Variants in HMCN1 observed in about 807,000 individuals in gnomAD.
HMCN1 encodes the protein hemicentin-1.
A neutral mutation model predicts 625.9 loss-of-function variants in HMCN1; 321 were observed. That is an observed-to-expected ratio of 0.51 (90% CI 0.47 to 0.56). The LOEUF is 0.56. Among genes scored for constraint, HMCN1 ranks in the 20% least tolerant of loss-of-function variants. The probability of loss-of-function intolerance (pLI) is 0.00; values close to 1 mark genes in which losing one functional copy is unlikely to be tolerated. For missense variants in HMCN1, 6,588 were observed against 6,887.3 expected (o/e 0.96, Z 1.54); for synonymous variants, 2,425 against 2,417.6 (o/e 1.00, Z -0.09).
At chr1:185,869,810 T>G (rs1332596784) in intron 4 of HMCN1, among the ~76,000 whole-genome samples, 1 of 152,164 alleles carries the variant, frequency 6.6e-6, no homozygotes, top group African/African-American at 2.4e-5. Flanking sequence ...GCTATACTGG[T>G]GTCTTCACAT....
intron 1 of HMCN1, among the ~76,000 whole-genome samples, chr1:185,785,370 G>T (rs2102186378): frequency 6.6e-6 from 1 of 152,220 alleles, no homozygotes; most frequent in East Asian, 1.9e-4. Context: ...CTCTTCTCTG[G>T]TGACCATTTC....
rs951435924 is a variant in HMCN1 at position 185,963,998 on chromosome 1, G to A, written c.2098+103G>A. On this transcript the variant is annotated intron_variant, in intron 13 of 106. Coordinates refer to ENST00000271588, the MANE Select transcript of HMCN1 (RefSeq NM_031935.3). ...TATTAATATTAGTAATGCATACATG[G>A]TATTATACTTTATTATTCATTTCAC... 4.2e-6 allele frequency: 4 copies of A among 943,752 alleles called. No individual in the cohort carries two copies. The East Asian group carries it at 7.4e-5, about 18-fold the overall frequency. The allele number at this position is 943,752 out of a possible 1,614,324, so 58.5% of individuals were successfully genotyped here.
chr1:186,067,403 C>T (rs1349535700), intron 49 of HMCN1, among the ~76,000 whole-genome samples: 1 of 152,164 alleles, frequency 6.6e-6, no homozygotes, highest in African/African-American at 2.4e-5. Context: ...ATGCTCCCAA[C>T]ATGTTCCCTC....
At chr1:186,035,561 C>T (rs1056614138) in intron 36 of HMCN1, among the ~76,000 whole-genome samples, 12 of 151,820 alleles carry the variant, frequency 7.9e-5, no homozygotes, top group African/African-American at 2.7e-4. Context: ...TTATGGATTT[C>T]GATTTTCTTT....
chr1:186,132,490 A>G (rs764958198), intron 86 of HMCN1, 81 bp downstream of exon 86: 3 of 1,135,374 alleles, frequency 2.6e-6, no homozygotes, highest in East Asian at 5.1e-5. Context: ...CTTTAACTCT[A>G]TAGCAAGTTC....
In HMCN1 at chr1:186,076,620, C is replaced by G. The variant is rs778961224; in HGVS notation, c.8483C>G (p.Pro2828Arg). 3.7e-6 allele frequency: 6 copies of G among 1,612,436 alleles called. No homozygotes were observed. The highest frequency in any genetic ancestry group is 5.1e-6 in the Non-Finnish European group (6 of 1,179,508). Residue 2828 changes from proline to arginine, a missense_variant and splice_region_variant, in exon 54 of 107, where the codon CCA becomes CGA. Physicochemically the swap from Pro to Arg is moderately radical, Grantham distance 103. This residue lies in a region of HMCN1 where 4,628 missense variants were observed against 4,853.1 expected (regional missense o/e 0.95). Coordinates refer to ENST00000271588, the MANE Select transcript of HMCN1 (RefSeq NM_031935.3). ...TCAAGTGATAAAGTATTGATTTTGC[C>G]AGGTAAAGATTGATACCAACAGGGT... ...LTSSDKVLIL[P>R]GGRVLQIPRA...
In HMCN1 at chr1:186,162,000, A is replaced by G. The variant is rs377332703; in HGVS notation, c.15257-3111A>G. Among the ~76,000 whole-genome samples the G allele has an allele frequency of 1.4e-3, 215 of 152,286 alleles. 2 individuals are homozygous for G. In the East Asian group the frequency reaches 0.034, roughly 24 times the overall value. ...GATTGGGGAAGTTCTCCTGGATAAT[A>G]TCCTGCAGAGTGTTTTCCAACTTGG... On this transcript the variant is annotated intron_variant, in intron 97 of 106. Transcript: ENST00000271588.
chr1:185,743,690 TCAC>T (rs936723606), intron 1 of HMCN1, among the ~76,000 whole-genome samples: 1 of 152,254 alleles, frequency 6.6e-6, no homozygotes, highest in African/African-American at 2.4e-5. Context: ...GGAGTCTTCA[TCAC>T]TGTGGAGAAT....
intron 11 of HMCN1, among the ~76,000 whole-genome samples, chr1:185,942,808 G>A (rs1668149526): frequency 6.6e-6 from 1 of 152,086 alleles, no homozygotes. Flanking sequence ...CAAGCCCTGG[G>A]CTTCCTATAC....
chr1:186,123,267 C>CAAAG, intron 81 of HMCN1, 47 bp downstream of exon 81: 1 of 1,583,422 alleles, frequency 6.3e-7, no homozygotes, highest in South Asian at 1.1e-5. Context: ...ACTACCATGG[C>CAAAG]AAAGAGAAAA....
At position 186,007,129 on chromosome 1, in the gene HMCN1, C is replaced by G. The variant is rs779770154; in HGVS notation, c.4477C>G (p.Pro1493Ala). Residue 1493 changes from proline to alanine, a missense_variant and splice_region_variant, in exon 30 of 107, where the codon CCT (proline) becomes GCT (alanine). By Grantham distance (27) the Pro-to-Ala change is conservative. Transcript: ENST00000271588. ...GGAATAAAGTTTTATTTTTTCTAGG[C>G]CTTTATTTTTGGGCGATCCTAATGT... The part of the protein sequence containing the change: ...PDIHWFKDGK[P>A]LFLGDPNVEL... 14 of 1,609,356 alleles carry G rather than the reference C, an allele frequency of 8.7e-6. No individual in the cohort carries two copies. In the South Asian group the frequency reaches 1.3e-4, roughly 15 times the overall value.
intron 83 of HMCN1, among the ~76,000 whole-genome samples, chr1:186,129,201 TA>T (rs75464991): frequency 0.48 from 71,348 of 148,096 alleles, 20,413 homozygotes; most frequent in African/African-American, 0.8. Context: ...GTAAAAGATT[TA>T]AAAAAAAAAA....
At position 186,052,989 on chromosome 1, in the gene HMCN1, A is replaced by G. The variant is rs1046142909; in HGVS notation, c.6615A>G (p.Gln2205=). ...PNIGGSDELT[Q]LTVIEGNLIS... is the part of the protein sequence containing the mutation. ...TTGGTGGTTCTGATGAACTTACTCA[A>G]CTTACAGTCATTGAAGGGAATCTCA... is the stretch of plus-strand genomic sequence containing the variant. Residue 2205 remains glutamine, a synonymous_variant, in exon 43 of 107, where the codon CAA becomes CAG. Coordinates refer to ENST00000271588, the MANE Select transcript of HMCN1 (RefSeq NM_031935.3). 1.6e-5 allele frequency: 25 copies of G among 1,607,678 alleles called. No homozygotes were observed. The highest frequency in any genetic ancestry group is 2.1e-5 in the Non-Finnish European group (25 of 1,174,856).
At chr1:185,817,449 G>A (rs1398127269) in intron 1 of HMCN1, among the ~76,000 whole-genome samples, 2 of 152,260 alleles carry the variant, frequency 1.3e-5, no homozygotes, top group African/African-American at 4.8e-5. Flanking sequence ...AGGGCGGGGT[G>A]TGTGAGGGGA....
At chr1:185,781,690 T>G (rs1307466149) in intron 1 of HMCN1, among the ~76,000 whole-genome samples, 1 of 152,250 alleles carries the variant, frequency 6.6e-6, no homozygotes, top group Non-Finnish European at 1.5e-5. Context: ...AGTTCTTATT[T>G]GATTGCACTG....
chr1:185,894,056 AC>A (rs201482999), intron 4 of HMCN1, among the ~76,000 whole-genome samples: 9,643 of 151,968 alleles, frequency 0.063, 1,074 homozygotes, highest in African/African-American at 0.22. Flanking sequence ...AATGGCGTGA[AC>A]CCGGGAGGCA....
chr1:185,791,721 A>AAAAC (rs1213427918), intron 1 of HMCN1, among the ~76,000 whole-genome samples: 3 of 148,624 alleles, frequency 2.0e-5, no homozygotes, highest in African/African-American at 7.9e-5. Flanking sequence ...CTCCATCTCA[A>AAAAC]AAATAAACAA....
At position 185,891,716 on chromosome 1, in the gene HMCN1, C is replaced by T. The variant is rs1224682663; in HGVS notation, c.622-17621C>T. ...GATGGGCTTCCCTTTGAGGGTAACC[C>T]GACCTTTCTCTCTGGCTGCCCTTAA... On this transcript the variant is annotated intron_variant, in intron 4 of 106. Transcript: ENST00000271588. Among the ~76,000 whole-genome samples, 17 of 148,076 alleles carry T rather than the reference C, an allele frequency of 1.1e-4. 1 individual carries two copies. The highest frequency in any genetic ancestry group is 1.0e-3 in the South Asian group (5 of 4,806).
intron 1 of HMCN1, among the ~76,000 whole-genome samples, chr1:185,751,202 G>C (rs1325552083): frequency 6.6e-6 from 1 of 151,954 alleles, no homozygotes; most frequent in Non-Finnish European, 1.5e-5. Flanking sequence ...GTTTTTTCAG[G>C]GATGACATAC....
Sources: allele counts gnomAD v4.1 joint callset (sites outside exome capture counted in the v4.1 genomes callset), GRCh38; gene constraint gnomAD v4.1.1; regional missense constraint gnomAD v4.1.1; transcripts MANE v1.5; gene names NCBI Gene and HGNC (gene_info 2026-07-23, HGNC 2026-07-21).